The following MYBPC2 variants were observed in gnomAD, a reference collection of about 807,000 sequenced individuals.
MYBPC2 encodes the protein myosin-binding protein C, fast-type.
Under a neutral mutation model 137.0 loss-of-function variants are expected in MYBPC2, and 122 were observed. That is an observed-to-expected ratio of 0.89 (90% CI 0.77 to 1.03). MYBPC2 has a LOEUF of 1.03. Ranked by LOEUF, MYBPC2 falls within the 50% of genes least tolerant of loss-of-function variation. The probability of loss-of-function intolerance (pLI) is 0.00; values close to 1 mark genes in which losing one functional copy is unlikely to be tolerated. For synonymous variants in MYBPC2, 626 were observed against 612.3 expected (o/e 1.02, Z -0.33); for missense variants, 1,500 against 1,534.4 (o/e 0.98, Z 0.37).
At chr19:50,464,103 A>G (rs1048118601) in intron 26 of MYBPC2, 5 of 433,418 alleles carry the variant, frequency 1.2e-5, no homozygotes, top group African/African-American at 2.0e-5. Context: ...GTGGGCCACT[A>G]CAAACAGTGA....
At chr19:50,462,134 G>C (rs935612303) in intron 26 of MYBPC2, 98 bp downstream of exon 26, 1 of 1,429,618 alleles carries the variant, frequency 7.0e-7, no homozygotes, top group Admixed American at 2.9e-5. Flanking sequence ...CTTCTTCCCC[G>C]AGTTCTCTGT....
chr19:50,438,508 C>T (rs1016536580), intron 7 of MYBPC2, among the ~76,000 whole-genome samples: 4 of 152,124 alleles, frequency 2.6e-5, no homozygotes, highest in South Asian at 2.1e-4. Flanking sequence ...GCAGTTGACA[C>T]GCCCATCCAC....
At chr19:50,449,474 G>A (rs1000998884) in intron 13 of MYBPC2, among the ~76,000 whole-genome samples, 2 of 152,234 alleles carry the variant, frequency 1.3e-5, no homozygotes, top group Middle Eastern at 3.2e-3. Flanking sequence ...GCCCAGGCTG[G>A]AAACTGGCCC....
chr19:50,459,802 T>C (rs1601297259), intron 23 of MYBPC2, among the ~76,000 whole-genome samples: 1 of 89,708 alleles, frequency 1.1e-5, no homozygotes, highest in Non-Finnish European at 2.2e-5. Context: ...GAGAGGGAGA[T>C]TGGGTGAAGA....
In MYBPC2 at chr19:50,437,555, G is replaced by A. The variant is rs540643494; in HGVS notation, c.512+34G>A. The A allele has an allele frequency of 2.2e-4, 360 of 1,603,868 alleles. 2 individuals carry two copies. Among genetic ancestry groups the A allele is most frequent in the South Asian group, 7.6e-4 (68 of 89,310 alleles). Reference sequence around the variant, plus strand: ...CCCCAGGCCCTTACCAGGGTCCCAAGGACCATGGGAGGCTCTCCCTTGGAA... The same window carrying A: ...CCCCAGGCCCTTACCAGGGTCCCAAAGACCATGGGAGGCTCTCCCTTGGAA... On this transcript the variant is annotated intron_variant, in intron 6 of 27. Transcript: ENST00000357701.
rs745587602 is a variant in MYBPC2, at chr19:50,458,763, C to T, written c.2506+9C>T. The T allele has an allele frequency of 4.9e-5, 79 of 1,606,308 alleles. 3 individuals carry two copies. In the South Asian group the frequency reaches 5.5e-4, roughly 11 times the overall value. ...CATCAGGGAGATTGCGGGTGCGTGG[C>T]CCCTGACCCTGCGCTCCGAAAGACC... On this transcript the variant is annotated intron_variant, in intron 21 of 27. Transcript: ENST00000357701.
chr19:50,458,830 G>A (rs1163012450), intron 21 of MYBPC2, 76 bp downstream of exon 21: 1 of 1,597,144 alleles, frequency 6.3e-7, no homozygotes, highest in Admixed American at 1.7e-5. Flanking sequence ...GTCGTCGACA[G>A]GACCTCCCCA....
rs1051736916 is a variant in MYBPC2, at chr19:50,458,944, C to T, written c.2533C>T (p.His845Tyr). The T allele has an allele frequency of 5.6e-6, 9 of 1,612,524 alleles. No individual in the cohort carries two copies. In the Admixed American group the frequency reaches 1.0e-4, roughly 18 times the overall value. The change falls in exon 22 of 28, where the codon CAT (histidine) becomes TAT (tyrosine). Residue 845 changes from histidine (H) to tyrosine (Y), a missense_variant. Transcript: ENST00000357701. ...GCCACCCAAGATCCGGCTTCCCCGC[C>T]ATCTCCGCCAGACCTACATCCGCAA... ...AEPPKIRLPR[H>Y]LRQTYIRKVG...
In MYBPC2 at chr19:50,437,720, T is replaced by G. The variant is rs111629038; in HGVS notation, c.572+2T>G. ...TTTCAGTGGCCTGTTGAAGAAGAGG[T>G]GAGCCCCGGACTTGGCACAGAGAGG... On this transcript the variant is annotated splice_donor_variant, in intron 7 of 27. Coordinates refer to ENST00000357701, the MANE Select transcript of MYBPC2 (RefSeq NM_004533.4). LOFTEE classifies it high-confidence loss of function. 6.2e-7 allele frequency: 1 copy of G among 1,600,394 alleles called. No individual in the cohort carries two copies. The highest frequency in any genetic ancestry group is 8.5e-7 in the Non-Finnish European group (1 of 1,173,540).
Position 50,459,326 on chromosome 19 carries a change from C to A in MYBPC2, c.2791+20C>A. 6.3e-7 allele frequency: 1 copy of A among 1,579,642 alleles called. No homozygotes were observed. Among genetic ancestry groups the A allele is most frequent in the Non-Finnish European group, 8.6e-7 (1 of 1,162,726 alleles). ...TTGTGGGTGCGCGCGCTGGGGAGGG[C>A]CCCTGGAGGCCGGGAGGGGCAGGGA... On this transcript the variant is annotated intron_variant, in intron 23 of 27. Coordinates refer to ENST00000357701, the MANE Select transcript of MYBPC2 (RefSeq NM_004533.4).
At chr19:50,442,409 A>G in intron 9 of MYBPC2, 96 bp downstream of exon 9, 2 of 1,487,392 alleles carry the variant, frequency 1.3e-6, no homozygotes, top group Non-Finnish European at 1.8e-6. Flanking sequence ...GAAAGGGCAT[A>G]TTCACCCCTA....
Position 50,450,841 on chromosome 19 carries a change from G to A in MYBPC2, c.1485G>A (p.Leu495=), listed in dbSNP as rs768320528. The A allele has an allele frequency of 5.1e-6, 8 of 1,569,960 alleles. No individual in the cohort carries two copies. The highest frequency in any genetic ancestry group is 6.0e-6 in the Non-Finnish European group (7 of 1,157,790). ...TISHVGRFHK[L]VIDDVRPEDE... is the part of the protein sequence containing the mutation. The stretch of plus-strand genomic sequence containing the variant: ...CCCCACCCCTTAGGTTCCACAAGCT[G>A]GTGATCGATGACGTCCGCCCCGAGG... The change falls in exon 14 of 28, where the codon CTG becomes CTA. Residue 495 remains leucine (L), a synonymous_variant. Coordinates refer to ENST00000357701, the MANE Select transcript of MYBPC2 (RefSeq NM_004533.4).
At chr19:50,451,163 G>T in intron 14 of MYBPC2, 117 bp from the exon 15 acceptor site, 1 of 1,335,610 alleles carries the variant, frequency 7.5e-7, no homozygotes, top group East Asian at 2.4e-5. Flanking sequence ...CCTGTCTCCA[G>T]CACCCCAGTT....
At position 50,448,236 on chromosome 19, in the gene MYBPC2, G is replaced by A. The variant is rs779238329; in HGVS notation, c.1318G>A (p.Glu440Lys). 9.3e-6 allele frequency: 15 copies of A among 1,613,400 alleles called. No individual in the cohort carries two copies. Among genetic ancestry groups the A allele is most frequent in the Non-Finnish European group, 7.6e-6 (9 of 1,179,582 alleles). ...AELIVEEKQL[E>K]VLQDIADLTV... ...CTCTCCCTGACCAGAGAAACAGCTG[G>A]AGGTCCTGCAGGACATCGCGGATCT... The change falls in exon 13 of 28, where the codon GAG (glutamate) becomes AAG (lysine). Residue 440 changes from glutamate to lysine, a missense_variant. Transcript: ENST00000357701.
At chr19:50,448,611 C>T (rs1232147554) in intron 13 of MYBPC2, among the ~76,000 whole-genome samples, 1 of 151,540 alleles carries the variant, frequency 6.6e-6, no homozygotes, top group African/African-American at 2.4e-5. Context: ...TGGGATGCAC[C>T]ACCACGCCTG....
rs954496346 is a variant in MYBPC2, at chr19:50,435,542, T to C, written c.110-234T>C. ...CAAAGGCACATTCAGTGCCCTCCAG[T>C]CCACAGATGAGGAAACCGAGGCCCA... On this transcript the variant is annotated intron_variant, in intron 2 of 27. Coordinates refer to ENST00000357701, the MANE Select transcript of MYBPC2 (RefSeq NM_004533.4). This position sits in a 1 kb window ranked among gnomAD's most constrained non-coding sequence, Gnocchi z 4.8. 5.9e-5 allele frequency among the ~76,000 whole-genome samples: 9 copies of C among 152,124 alleles called. No homozygotes were observed. The highest frequency in any genetic ancestry group is 5.9e-4 in the Admixed American group (9 of 15,280).
At chr19:50,440,788 G>C (rs998881838) in intron 7 of MYBPC2, 92 bp from the exon 8 acceptor site, 1 of 1,324,518 alleles carries the variant, frequency 7.5e-7, no homozygotes, top group Non-Finnish European at 1.0e-6. Flanking sequence ...AGGTGGCTTG[G>C]GTGAGTCACA....
rs535663728 is a variant in MYBPC2 at position 50,442,262 on chromosome 19, A to G, written c.851A>G (p.Asp284Gly). 2.5e-6 allele frequency: 4 copies of G among 1,606,870 alleles called. No homozygotes were observed. In the South Asian group the frequency reaches 4.5e-5, roughly 18 times the overall value. Residue 284 changes from aspartate to glycine, a missense_variant, in exon 9 of 28, where the codon GAC (aspartate) becomes GGC (glycine). By Grantham distance (94) the Asp-to-Gly change is moderately conservative. Transcript: ENST00000357701. ...TTGATGGTAGAGATCAGCGACCCAGACCTGACCCTCAAGTGGTTCAAGAAC... is the reference window on the plus strand; with the variant it reads ...TTGATGGTAGAGATCAGCGACCCAGGCCTGACCCTCAAGTGGTTCAAGAAC... The part of the protein sequence containing the change: ...IKLMVEISDP[D>G]LTLKWFKNGQ...
intron 9 of MYBPC2, among the ~76,000 whole-genome samples, chr19:50,442,730 A>G (rs1445238961): frequency 6.6e-6 from 1 of 151,466 alleles, no homozygotes; most frequent in East Asian, 2.0e-4. Context: ...AGACCCTGTT[A>G]ACAACAACAA....
Sources: gnomAD v4.1 joint callset for allele counts (sites outside exome capture counted in the v4.1 genomes callset) on GRCh38, gnomAD v4.1.1 for gene constraint, Gnocchi (gnomAD v3.1) non-coding constraint, MANE v1.5 for transcripts, NCBI Gene and HGNC (gene_info 2026-07-23, HGNC 2026-07-21) for gene names.